Variants in RBFOX1 observed in about 807,000 individuals in gnomAD.
The protein encoded by RBFOX1 is RNA binding protein fox-1 homolog 1.
A neutral mutation model predicts 57.7 loss-of-function variants in RBFOX1; 8 were observed. The observed-to-expected ratio is 0.14, with a 90% confidence interval of 0.08 to 0.25. The LOEUF is 0.25. Among genes scored for constraint, RBFOX1 ranks in the 10% least tolerant of loss-of-function variants. The pLI is 1.00. For missense variants in RBFOX1, 611 were observed against 548.5 expected, an observed-to-expected ratio of 1.11 and a Z score of -1.14; for synonymous variants, 326 against 222.4, an observed-to-expected ratio of 1.47 and a Z score of -4.15.
intron 3 of RBFOX1, among the ~76,000 whole-genome samples, chr16:5,853,086 G>C (rs964441838): frequency 3.2e-4 from 48 of 152,210 alleles, no homozygotes; most frequent in African/African-American, 1.1e-3. Flanking sequence ...AAGAGACTAT[G>C]GATATTGGAG....
intron 4 of RBFOX1, among the ~76,000 whole-genome samples, chr16:5,893,728 C>T (rs898162539): frequency 1.3e-5 from 2 of 151,958 alleles, no homozygotes; most frequent in Non-Finnish European, 2.9e-5. Flanking sequence ...ATTGCTTGAA[C>T]CCAGGAAGCA....
chr16:7,130,768 T>G (rs936222525), intron 4 of RBFOX1, among the ~76,000 whole-genome samples: 2 of 152,188 alleles, frequency 1.3e-5, no homozygotes, highest in African/African-American at 2.4e-5. Context: ...CGTGCTTAAA[T>G]TTTGTCAACG....
intron 4 of RBFOX1, among the ~76,000 whole-genome samples, chr16:7,167,622 C>G (rs974061324): frequency 1.3e-5 from 2 of 152,180 alleles, no homozygotes; most frequent in African/African-American, 4.8e-5. Flanking sequence ...TTGTTTCAAG[C>G]CACAGTTTTT....
At chr16:5,769,085 A>G (rs1294555204) in intron 3 of RBFOX1, among the ~76,000 whole-genome samples, 1 of 152,198 alleles carries the variant, frequency 6.6e-6, no homozygotes, top group Non-Finnish European at 1.5e-5. Context: ...AGAAAAAAAA[A>G]AGAGTCAATT....
intron 4 of RBFOX1, among the ~76,000 whole-genome samples, chr16:7,248,976 T>C (rs1339256704): frequency 6.6e-6 from 1 of 152,138 alleles, no homozygotes; most frequent in Admixed American, 6.6e-5. Context: ...GTCTGTGGAA[T>C]CCCAGATAGG....
intron 4 of RBFOX1, among the ~76,000 whole-genome samples, chr16:7,180,151 C>G (rs567979965): frequency 6.6e-6 from 1 of 152,132 alleles, no homozygotes; most frequent in South Asian, 2.1e-4. Context: ...CATTTTCTGC[C>G]TTGCAGAACT....
intron 2 of RBFOX1, among the ~76,000 whole-genome samples, chr16:6,609,318 C>T (rs928370838): frequency 2.6e-5 from 4 of 152,054 alleles, no homozygotes; most frequent in East Asian, 1.9e-4. Context: ...GAGAGGTTGA[C>T]GTGGAAAATG....
At chr16:6,902,165 A>G (rs112327482) in intron 3 of RBFOX1, among the ~76,000 whole-genome samples, 21 of 152,206 alleles carry the variant, frequency 1.4e-4, no homozygotes, top group Non-Finnish European at 2.8e-4. Context: ...CGTACCTGGG[A>G]TATTCATTGT....
At chr16:5,853,807 G>A (rs1387621216) in intron 3 of RBFOX1, among the ~76,000 whole-genome samples, 1 of 152,110 alleles carries the variant, frequency 6.6e-6, no homozygotes, top group African/African-American at 2.4e-5. Flanking sequence ...CCAGGCTGGA[G>A]TATAGCGGTT....
At chr16:6,256,695 C>G (rs190665282) in intron 1 of RBFOX1, among the ~76,000 whole-genome samples, 1 of 152,090 alleles carries the variant, frequency 6.6e-6, no homozygotes, top group Non-Finnish European at 1.5e-5. Context: ...TAGGACACTT[C>G]GTAGCATCCC....
chr16:6,199,217 G>T (rs2152826309), intron 1 of RBFOX1, among the ~76,000 whole-genome samples: 1 of 152,192 alleles, frequency 6.6e-6, no homozygotes, highest in East Asian at 1.9e-4. Flanking sequence ...CAAGCTAAAT[G>T]CACATTCTTA....
chr16:7,690,905 C>A (rs1209085317), intron 14 of RBFOX1, among the ~76,000 whole-genome samples: 2 of 152,116 alleles, frequency 1.3e-5, no homozygotes, highest in East Asian at 1.9e-4. Context: ...CAGAATTCTT[C>A]TGTTGTCCTG....
At chr16:5,588,513 G>T (rs891221015) in intron 2 of RBFOX1, among the ~76,000 whole-genome samples, 10 of 152,104 alleles carry the variant, frequency 6.6e-5, no homozygotes, top group African/African-American at 2.4e-4. Flanking sequence ...TTACAGTCCA[G>T]GCAATCCAGG....
chr16:7,050,305 G>A (rs540365045), intron 3 of RBFOX1, among the ~76,000 whole-genome samples: 2 of 111,582 alleles, frequency 1.8e-5, no homozygotes, highest in Non-Finnish European at 3.8e-5. Flanking sequence ...CACTCTTGTT[G>A]CCCAGGATGG....
chr16:6,921,787 C>A (rs2074514988), intron 3 of RBFOX1, among the ~76,000 whole-genome samples: 1 of 98,042 alleles, frequency 1.0e-5, no homozygotes, highest in Admixed American at 1.2e-4. Context: ...GTTGTATATG[C>A]ACACACACAT....
intron 2 of RBFOX1, among the ~76,000 whole-genome samples, chr16:5,553,103 C>T (rs1044135669): frequency 3.3e-5 from 5 of 152,000 alleles, no homozygotes; most frequent in East Asian, 1.9e-4. Flanking sequence ...GGACACAGGG[C>T]GAGCAACATC....
intron 4 of RBFOX1, among the ~76,000 whole-genome samples, chr16:7,465,951 G>C (rs975003286): frequency 6.6e-6 from 1 of 152,222 alleles, no homozygotes; most frequent in Non-Finnish European, 1.5e-5. Flanking sequence ...AAGAATGACA[G>C]ACTGGATAAC....
At chr16:5,542,109 T>C (rs1283159760) in intron 2 of RBFOX1, among the ~76,000 whole-genome samples, 1 of 152,142 alleles carries the variant, frequency 6.6e-6, no homozygotes, top group East Asian at 1.9e-4. Flanking sequence ...TTTATGAACA[T>C]GATGGTAGCC....
intron 4 of RBFOX1, among the ~76,000 whole-genome samples, chr16:6,000,620 G>A (rs993695925): frequency 6.6e-6 from 1 of 152,050 alleles, no homozygotes; most frequent in African/African-American, 2.4e-5. Context: ...TTAAATATTT[G>A]TTGAATGGAT....
Sources: gnomAD v4.1 joint callset for allele counts (sites outside exome capture counted in the v4.1 genomes callset) on GRCh38, gnomAD v4.1.1 for gene constraint, MANE v1.5 for transcripts, NCBI Gene and HGNC (gene_info 2026-07-23, HGNC 2026-07-21) for gene names.